The following TCF7L1 variants were observed in gnomAD, a reference collection of about 807,000 sequenced individuals.
TCF7L1 encodes the protein transcription factor 7 like 1.
In TCF7L1, 18 loss-of-function variants were observed where a neutral mutation model predicts 63.7. The ratio of observed to expected loss-of-function variants is 0.28; its 90% CI spans 0.20 to 0.42. The LOEUF is 0.42. TCF7L1 is among the 10% of genes least tolerant of loss of function. TCF7L1 has a pLI of 1.00. For missense variants in TCF7L1, 654 were observed against 779.3 expected (o/e 0.84, Z 1.91); for synonymous variants, 355 against 340.9 (o/e 1.04, Z -0.46).
At chr2:85,233,360 G>A (rs900713998) in intron 3 of TCF7L1, among the ~76,000 whole-genome samples, 1 of 150,338 alleles carries the variant, frequency 6.7e-6, no homozygotes, top group African/African-American at 2.5e-5. Flanking sequence ...TCTGTTGCCA[G>A]GCTGGAATGC....
chr2:85,279,372 A>AATGT (rs1681358983), intron 3 of TCF7L1, among the ~76,000 whole-genome samples: 1 of 147,170 alleles, frequency 6.8e-6, no homozygotes. Flanking sequence ...GAGCCTGGGC[A>AATGT]ACGTAGCAAG....
intron 3 of TCF7L1, among the ~76,000 whole-genome samples, chr2:85,219,646 G>A (rs570915388): frequency 3.3e-5 from 5 of 152,244 alleles, no homozygotes; most frequent in East Asian, 1.9e-4. Flanking sequence ...TTGGGAGGCC[G>A]AGGCAGTGGG....
At chr2:85,308,691 C>A (rs1682201461) in intron 11 of TCF7L1, among the ~76,000 whole-genome samples, 1 of 151,960 alleles carries the variant, frequency 6.6e-6, no homozygotes, top group Non-Finnish European at 1.5e-5. Flanking sequence ...CTCTCTCTGA[C>A]TGTATTAATA....
At chr2:85,302,438 C>T in intron 4 of TCF7L1, 46 bp from the exon 5 acceptor site, 10 of 1,613,472 alleles carry the variant, frequency 6.2e-6, no homozygotes, top group Non-Finnish European at 8.5e-6. Context: ...TGGTCATACT[C>T]TCCATCTCCT....
At chr2:85,255,742 G>A (rs1250706102) in intron 3 of TCF7L1, among the ~76,000 whole-genome samples, 3 of 152,164 alleles carry the variant, frequency 2.0e-5, no homozygotes, top group African/African-American at 4.8e-5. Context: ...TCTGGTTGCT[G>A]TAGGCCTGCA....
chr2:85,300,074 A>G (rs1359759737), intron 4 of TCF7L1, among the ~76,000 whole-genome samples: 1 of 152,138 alleles, frequency 6.6e-6, no homozygotes, highest in East Asian at 1.9e-4. Flanking sequence ...TAAGTAGTAG[A>G]TCATGGTGAA....
At chr2:85,158,836 C>T (rs945748657) in intron 3 of TCF7L1, among the ~76,000 whole-genome samples, 3 of 152,266 alleles carry the variant, frequency 2.0e-5, no homozygotes, top group African/African-American at 7.2e-5. Flanking sequence ...AGCTCACCTA[C>T]TGAAGGGCCT....
chr2:85,257,441 G>A (rs896434861), intron 3 of TCF7L1, among the ~76,000 whole-genome samples: 7 of 152,190 alleles, frequency 4.6e-5, no homozygotes, highest in African/African-American at 9.6e-5. Flanking sequence ...CTCCCACACC[G>A]CTGTTTGGAA....
chr2:85,290,329 G>A (rs917277639), intron 4 of TCF7L1, among the ~76,000 whole-genome samples: 3 of 151,838 alleles, frequency 2.0e-5, no homozygotes, highest in African/African-American at 7.3e-5. Flanking sequence ...TTGTATACGT[G>A]TGCGCTTTTC....
intron 3 of TCF7L1, among the ~76,000 whole-genome samples, chr2:85,165,852 A>G (rs75241717): frequency 0.051 from 7,751 of 152,266 alleles, 221 homozygotes; most frequent in Middle Eastern, 0.092. Context: ...CTGAAGTTCA[A>G]TATCAAAACT....
rs1433517896 is a variant in TCF7L1, at chr2:85,155,724, T to C, written c.441+21274T>C. Among the ~76,000 whole-genome samples the C allele has an allele frequency of 3.9e-5, 6 of 152,194 alleles. No homozygotes were observed. The South Asian group carries it at 1.0e-3, about 26-fold the overall frequency. On this transcript the variant is annotated intron_variant, in intron 3 of 11. Coordinates refer to ENST00000282111, the MANE Select transcript of TCF7L1 (RefSeq NM_031283.3). ...GCTCAGCACTTGAAATAGATTGTCT[T>C]AGTGGCCCACAGAGAATCAGCCAGG...
At chr2:85,281,522 C>A (rs1336742366) in intron 3 of TCF7L1, among the ~76,000 whole-genome samples, 3 of 152,098 alleles carry the variant, frequency 2.0e-5, no homozygotes, top group Non-Finnish European at 4.4e-5. Context: ...ATTGAAATCC[C>A]AGTTAATTCA....
Position 85,133,705 on chromosome 2 carries a change from GGGCGGCGGCGGC to G in TCF7L1, c.31_42del (p.Gly11_Gly14del), listed in dbSNP as rs566806913. 25 of 1,076,756 alleles carry G rather than the reference GGGCGGCGGCGGC, an allele frequency of 2.3e-5. No individual in the cohort carries two copies. In the African/African-American group the frequency reaches 4.1e-4, roughly 18 times the overall value. 66.7% of individuals were successfully genotyped at this position (1,076,756 alleles called of 1,614,324 possible). ...CCACCATGCCCCAGCTCGGCGGCGG[GGGCGGCGGCGGC>G]GGCGGCGGCAGCGGGGGAGGCGGCG... On this transcript the variant is annotated inframe_deletion, in exon 1 of 12. Coordinates refer to ENST00000282111, the MANE Select transcript of TCF7L1 (RefSeq NM_031283.3). The surrounding 1 kb of genome is among the most constrained non-coding windows in gnomAD (Gnocchi z 4.4).
chr2:85,161,145 T>C (rs1678277224), intron 3 of TCF7L1, among the ~76,000 whole-genome samples: 1 of 152,126 alleles, frequency 6.6e-6, no homozygotes, highest in Admixed American at 6.6e-5. Flanking sequence ...TGTAACAGCT[T>C]CAACGCATGA....
At position 85,292,083 on chromosome 2, in the gene TCF7L1, C is replaced by G. The variant is rs549865438; in HGVS notation, c.525+8505C>G. Among the ~76,000 whole-genome samples the G allele has an allele frequency of 7.3e-4, 8 of 10,976 alleles. 2 individuals carry two copies. The highest frequency in any genetic ancestry group is 8.0e-4 in the Non-Finnish European group (7 of 8,804). 7.2% of individuals were successfully genotyped at this position (10,976 alleles called of 152,430 possible). On this transcript the variant is annotated intron_variant, in intron 4 of 11. Coordinates refer to ENST00000282111, the MANE Select transcript of TCF7L1 (RefSeq NM_031283.3). ...TCGCCCAGGCTGGAGTGCAGTGGCA[C>G]GATCTCGGCTCACTGCAAGCTCCGC... is the stretch of plus-strand genomic sequence containing the variant.
At chr2:85,191,365 T>C (rs578072153) in intron 3 of TCF7L1, among the ~76,000 whole-genome samples, 1 of 152,342 alleles carries the variant, frequency 6.6e-6, no homozygotes, top group Non-Finnish European at 1.5e-5. Context: ...ACAGGTGCTA[T>C]GTGACATCTC....
At chr2:85,234,778 G>A (rs1412954537) in intron 3 of TCF7L1, among the ~76,000 whole-genome samples, 2 of 152,148 alleles carry the variant, frequency 1.3e-5, no homozygotes, top group South Asian at 2.1e-4. Context: ...GGGCTTTGTC[G>A]TCTCATGGAC....
chr2:85,304,483 G>A (rs1573035061), intron 7 of TCF7L1, 145 bp downstream of exon 7: 12 of 737,054 alleles, frequency 1.6e-5, no homozygotes, highest in East Asian at 1.1e-4. Flanking sequence ...ATCTTCTCAC[G>A]TCCCGCGCTC....
intron 3 of TCF7L1, among the ~76,000 whole-genome samples, chr2:85,275,856 G>A (rs913870954): frequency 1.6e-4 from 23 of 147,806 alleles, no homozygotes; most frequent in African/African-American, 5.0e-4. Context: ...GGAGGTGGAG[G>A]TTGCAGTGAT....
Sources: allele counts gnomAD v4.1 joint callset (sites outside exome capture counted in the v4.1 genomes callset), GRCh38; gene constraint gnomAD v4.1.1; non-coding constraint Gnocchi (gnomAD v3.1); transcripts MANE v1.5; gene names NCBI Gene and HGNC (gene_info 2026-07-23, HGNC 2026-07-21).